Variants in HTT-AS observed in about 807,000 individuals in gnomAD.
HTT-AS encodes HTT antisense RNA, also known as HTT antisense RNA (head to head).
exon 1 of HTT-AS, chr4:3,074,533 G>GGGGGC: frequency 3.2e-6 from 1 of 309,860 alleles, no homozygotes; most frequent in Non-Finnish European, 5.7e-6. Flanking sequence ...CAGAACCTGC[G>GGGGGC]GGGGCAGGGG....
intron 2 of HTT-AS, among the ~76,000 whole-genome samples, chr4:3,051,781 A>T (rs1711708027): frequency 6.7e-6 from 1 of 150,292 alleles, no homozygotes; most frequent in Non-Finnish European, 1.5e-5. Flanking sequence ...CTGTTCTGTG[A>T]TAAAAAGGGG....
chr4:3,069,150 G>GTT (rs35603397), intron 1 of HTT-AS, among the ~76,000 whole-genome samples: 35 of 144,594 alleles, frequency 2.4e-4, no homozygotes, highest in Non-Finnish European at 3.8e-4. Flanking sequence ...AACGGTGTAT[G>GTT]TTTTTTTTTT....
In HTT-AS at chr4:3,074,130, A is replaced by G. The variant is rs1006146159; in HGVS notation, n.113+296T>C. Among the ~76,000 whole-genome samples, 7 of 71,542 alleles carry G rather than the reference A, an allele frequency of 9.8e-5. No homozygotes were observed. In the South Asian group the frequency reaches 4.8e-3, roughly 50 times the overall value. The allele number at this position is 71,542 out of a possible 152,430, so 46.9% of individuals were successfully genotyped here. A position where few individuals can be genotyped will look rare whatever the true frequency, so the allele number is the denominator to read the frequency against. On this transcript the variant is annotated intron_variant and non_coding_transcript_variant, in intron 1 of 2. Coordinates refer to ENST00000664062, the Ensembl canonical transcript of HTT-AS. ...TTCCTGCCCCGCCCCCAGCCTCCCC[A>G]CCCCTCACCGGCCAGTCCCCTCCCC...
downstream of HTT-AS, among the ~76,000 whole-genome samples, chr4:3,048,264 TCAG>T (rs1435743460): frequency 6.6e-6 from 1 of 152,230 alleles, no homozygotes; most frequent in Non-Finnish European, 1.5e-5. Context: ...AGCACCACTC[TCAG>T]TTACCATCGT....
At chr4:3,056,649 G>A (rs775301747) in intron 2 of HTT-AS, among the ~76,000 whole-genome samples, 6 of 152,194 alleles carry the variant, frequency 3.9e-5, no homozygotes, top group East Asian at 1.9e-4. Flanking sequence ...CACCAAAAAC[G>A]TATTATAATG....
intron 1 of HTT-AS, among the ~76,000 whole-genome samples, chr4:3,070,478 A>G (rs1712146619): frequency 6.6e-6 from 1 of 152,012 alleles, no homozygotes; most frequent in African/African-American, 2.4e-5. Context: ...TTTAGTTGAG[A>G]GAGGGTTTCA....
intron 2 of HTT-AS, among the ~76,000 whole-genome samples, chr4:3,053,774 T>C (rs1264115988): frequency 6.6e-6 from 1 of 151,090 alleles, no homozygotes; most frequent in Non-Finnish European, 1.5e-5. Context: ...TTTTTTTTTT[T>C]TGAGATGGAG....
intron 2 of HTT-AS, among the ~76,000 whole-genome samples, chr4:3,052,869 G>A (rs996014738): frequency 2.6e-5 from 4 of 152,140 alleles, no homozygotes; most frequent in African/African-American, 4.8e-5. Context: ...GGCGGCATGC[G>A]CCTATAGTCC....
intron 1 of HTT-AS, among the ~76,000 whole-genome samples, chr4:3,067,906 CA>C (rs1216408669): frequency 1.3e-5 from 2 of 152,090 alleles, no homozygotes; most frequent in African/African-American, 4.8e-5. Flanking sequence ...TACAGAAAAC[CA>C]AAGACAGAGA....
At position 3,049,932 on chromosome 4, in the gene HTT-AS, A is replaced by T. The variant is rs1375179427; in HGVS notation, n.1381-234T>A. Reference sequence around the variant, plus strand: ...CACACACACACACACACACACACACACACACACACACACACATATACACTT... The same window carrying T: ...CACACACACACACACACACACACACTCACACACACACACACATATACACTT... On this transcript the variant is annotated intron_variant and non_coding_transcript_variant, in intron 2 of 2. Transcript: ENST00000664062. Among the ~76,000 whole-genome samples the T allele has an allele frequency of 2.7e-5, 4 of 148,522 alleles. No homozygotes were observed. The Admixed American group carries it at 2.7e-4, about 10-fold the overall frequency.
At chr4:3,063,002 C>T (rs930202098) in exon 2 of HTT-AS, among the ~76,000 whole-genome samples, 1 of 152,154 alleles carries the variant, frequency 6.6e-6, no homozygotes, top group Non-Finnish European at 1.5e-5. Flanking sequence ...TGATCCTCCT[C>T]CCCAGGCCAG....
chr4:3,066,756 G>A (rs891733551), intron 1 of HTT-AS, among the ~76,000 whole-genome samples: 2 of 152,114 alleles, frequency 1.3e-5, no homozygotes, highest in Non-Finnish European at 2.9e-5. Context: ...AATCCTCTCC[G>A]GAAGAAGATA....
intron 1 of HTT-AS, among the ~76,000 whole-genome samples, chr4:3,070,714 C>G (rs61792462): frequency 0.06 from 9,148 of 152,262 alleles, 336 homozygotes; most frequent in African/African-American, 0.095. Flanking sequence ...TCATCTGGAA[C>G]AGGATTCTAA....
intron 2 of HTT-AS, among the ~76,000 whole-genome samples, chr4:3,051,434 G>A (rs543633518): frequency 5.9e-5 from 9 of 152,196 alleles, no homozygotes; most frequent in African/African-American, 1.7e-4. Context: ...AAATTTAAAA[G>A]TTGAGAGGCT....
chr4:3,072,677 C>A (rs1712201562), intron 1 of HTT-AS, among the ~76,000 whole-genome samples: 1 of 152,218 alleles, frequency 6.6e-6, no homozygotes, highest in African/African-American at 2.4e-5. Flanking sequence ...GTCACCCAGG[C>A]TGGAGTGCAA....
At chr4:3,074,373 G>C in intron 1 of HTT-AS, 1 of 127,724 alleles carries the variant, frequency 7.8e-6, no homozygotes, top group Admixed American at 8.0e-5. Context: ...GTCCCGCCCC[G>C]TCCCTTCCTC....
intron 2 of HTT-AS, among the ~76,000 whole-genome samples, chr4:3,060,462 A>G (rs1711903981): frequency 1.3e-5 from 2 of 152,194 alleles, no homozygotes; most frequent in South Asian, 4.1e-4. Context: ...GTCTCATTTA[A>G]TTTAGAAAGT....
At chr4:3,070,541 C>T (rs1308488897) in intron 1 of HTT-AS, among the ~76,000 whole-genome samples, 2 of 152,160 alleles carry the variant, frequency 1.3e-5, no homozygotes, top group Non-Finnish European at 2.9e-5. Flanking sequence ...CAGCCCACCT[C>T]GGCCTCCCAA....
chr4:3,048,274 T>C (rs112261906), downstream of HTT-AS, among the ~76,000 whole-genome samples: 4,404 of 152,226 alleles, frequency 0.029, 115 homozygotes, highest in Non-Finnish European at 0.047. Context: ...TCAGTTACCA[T>C]CGTTTTGGGT....
Sources: allele counts gnomAD v4.1 joint callset (sites outside exome capture counted in the v4.1 genomes callset), GRCh38; gene constraint gnomAD v4.1.1; transcripts MANE v1.5; gene names NCBI Gene and HGNC (gene_info 2026-07-23, HGNC 2026-07-21).